Variants in SORCS2 observed in about 807,000 individuals in gnomAD.
The protein encoded by SORCS2 is sortilin related VPS10 domain containing receptor 2.
SORCS2 carries 100 observed loss-of-function variants against 141.6 expected under a neutral mutation model. The observed-to-expected ratio is 0.71, with a 90% CI of 0.60 to 0.83. The LOEUF (loss-of-function observed/expected upper bound fraction) is 0.83. Ranked by LOEUF, SORCS2 falls within the 40% of genes least tolerant of loss-of-function variation. The probability of loss-of-function intolerance (pLI) is 0.00; values close to 1 mark genes in which losing one functional copy is unlikely to be tolerated. For missense variants in SORCS2, 1,646 were observed against 1,560.2 expected (o/e 1.05, Z -0.93); for synonymous variants, 789 against 676.9 (o/e 1.17, Z -2.57).
chr4:7,709,392 G>A (rs2109028549), intron 14 of SORCS2, among the ~76,000 whole-genome samples: 1 of 152,324 alleles, frequency 6.6e-6, no homozygotes, highest in African/African-American at 2.4e-5. Context: ...CCCCAGAGAT[G>A]ACCCAGCCTT....
chr4:7,661,036 A>G (rs1722127973), intron 5 of SORCS2, among the ~76,000 whole-genome samples: 1 of 152,136 alleles, frequency 6.6e-6, no homozygotes, highest in South Asian at 2.1e-4. Context: ...TGCTTCTCTG[A>G]GCCACAGTTT....
Position 7,426,538 on chromosome 4 carries a change from A to G in SORCS2, c.548+30183A>G, listed in dbSNP as rs148821397. On this transcript the variant is annotated intron_variant, in intron 2 of 26. Coordinates refer to ENST00000507866, the MANE Select transcript of SORCS2 (RefSeq NM_020777.3). The stretch of plus-strand genomic sequence containing the variant: ...CAGTAACTTGAGACCAGCCTGAGCA[A>G]TGTAGCAAGACCCTCCAGCATTCTC... Among the ~76,000 whole-genome samples, 216 of 152,278 alleles carry G rather than the reference A, an allele frequency of 1.4e-3. 2 individuals carry two copies. Among genetic ancestry groups the G allele is most frequent in the African/African-American group, 5.0e-3 (207 of 41,544 alleles).
intron 3 of SORCS2, among the ~76,000 whole-genome samples, chr4:7,571,504 T>C (rs1715393169): frequency 6.6e-6 from 1 of 151,926 alleles, no homozygotes; most frequent in South Asian, 2.1e-4. Context: ...GGGGATGAGA[T>C]GAGGGACCCG....
At chr4:7,723,172 C>T (rs1726712190) in intron 18 of SORCS2, among the ~76,000 whole-genome samples, 1 of 152,018 alleles carries the variant, frequency 6.6e-6, no homozygotes, top group South Asian at 2.1e-4. Flanking sequence ...CCCATCTCAG[C>T]GTCACTCCTG....
At chr4:7,700,412 A>G (rs775151681) in intron 12 of SORCS2, among the ~76,000 whole-genome samples, 2 of 152,118 alleles carry the variant, frequency 1.3e-5, no homozygotes, top group Non-Finnish European at 2.9e-5. Context: ...TCCCTAGGCT[A>G]TGAATCTGTA....
Position 7,714,348 on chromosome 4 carries a change from G to C in SORCS2, c.2098G>C (p.Glu700Gln). 11 of 1,560,292 alleles carry C rather than the reference G, an allele frequency of 7.0e-6. No homozygotes were observed. The highest frequency in any genetic ancestry group is 8.7e-6 in the Non-Finnish European group (10 of 1,151,962). ...FTSALTSRVC[E>Q]CRDSDFLCDY... ...GTCGGCGCTCACGTCCCGCGTGTGCGAGTGCCGGGACTCGGACTTCCTGTG... is the reference window on the plus strand; with the variant it reads ...GTCGGCGCTCACGTCCCGCGTGTGCCAGTGCCGGGACTCGGACTTCCTGTG... Residue 700 changes from glutamate to glutamine, a missense_variant, in exon 16 of 27, where the codon GAG becomes CAG. Transcript: ENST00000507866.
chr4:7,208,740 A>C (rs371146161), intron 1 of SORCS2, among the ~76,000 whole-genome samples: 2 of 152,136 alleles, frequency 1.3e-5, no homozygotes, highest in Admixed American at 6.5e-5. Flanking sequence ...TCTCCTGCTC[A>C]CCAGGCACCC....
At chr4:7,399,082 T>C (rs1301034514) in intron 2 of SORCS2, among the ~76,000 whole-genome samples, 1 of 152,184 alleles carries the variant, frequency 6.6e-6, no homozygotes, top group Non-Finnish European at 1.5e-5. Flanking sequence ...GTTTGTTTCC[T>C]AGTAAGGAGG....
At chr4:7,465,739 C>T (rs1433852544) in intron 2 of SORCS2, among the ~76,000 whole-genome samples, 2 of 152,218 alleles carry the variant, frequency 1.3e-5, no homozygotes, top group South Asian at 2.1e-4. Flanking sequence ...TACACATGTA[C>T]AAGAGGTTGA....
At chr4:7,251,509 T>C (rs1449080330) in intron 1 of SORCS2, among the ~76,000 whole-genome samples, 3 of 152,202 alleles carry the variant, frequency 2.0e-5, no homozygotes. Context: ...CTAGGAGTTA[T>C]TGCAACATGA....
At chr4:7,680,169 C>T (rs10937850) in intron 9 of SORCS2, among the ~76,000 whole-genome samples, 6 of 152,100 alleles carry the variant, frequency 3.9e-5, no homozygotes, top group East Asian at 1.9e-4. Context: ...ACACAGCAAA[C>T]GATGTGCAGC....
At chr4:7,699,760 C>T (rs2109008198) in intron 12 of SORCS2, among the ~76,000 whole-genome samples, 1 of 152,346 alleles carries the variant, frequency 6.6e-6, no homozygotes, top group South Asian at 2.1e-4. Context: ...ACCCGCCTGG[C>T]CATGCACGCG....
At chr4:7,217,307 C>T (rs781578384) in intron 1 of SORCS2, among the ~76,000 whole-genome samples, 23 of 152,188 alleles carry the variant, frequency 1.5e-4, no homozygotes, top group African/African-American at 4.6e-4. Context: ...CCCTGGCCCT[C>T]AGGCATCACA....
Position 7,230,949 on chromosome 4 carries a change from C to T in SORCS2, c.480+37823C>T, listed in dbSNP as rs144786235. On this transcript the variant is annotated intron_variant, in intron 1 of 26. Transcript: ENST00000507866. Reference sequence around the variant, plus strand: ...ACCCAGTGCATTGGTCAGGGTTCTCCAGAGAAACAGAGCCAGTAGGAAGTG... The same window carrying T: ...ACCCAGTGCATTGGTCAGGGTTCTCTAGAGAAACAGAGCCAGTAGGAAGTG... 9.9e-4 allele frequency among the ~76,000 whole-genome samples: 151 copies of T among 152,346 alleles called. 1 individual carries two copies. The highest frequency in any genetic ancestry group is 3.4e-3 in the Middle Eastern group (1 of 294).
intron 1 of SORCS2, among the ~76,000 whole-genome samples, chr4:7,342,324 C>T (rs1213748643): frequency 1.3e-5 from 2 of 152,230 alleles, no homozygotes; most frequent in African/African-American, 4.8e-5. Flanking sequence ...TTGCCCCGGG[C>T]CCTGTGCCTG....
chr4:7,268,928 G>C (rs1399499282), intron 1 of SORCS2, among the ~76,000 whole-genome samples: 2 of 152,184 alleles, frequency 1.3e-5, no homozygotes, highest in Non-Finnish European at 2.9e-5. Context: ...TCATAAGGCA[G>C]AGGGAAGGAG....
intron 3 of SORCS2, among the ~76,000 whole-genome samples, chr4:7,539,839 C>T (rs1444583134): frequency 7.2e-6 from 1 of 138,152 alleles, no homozygotes; most frequent in Non-Finnish European, 1.6e-5. Flanking sequence ...CCTGTTGTGG[C>T]TGCTCCGCCC....
intron 2 of SORCS2, among the ~76,000 whole-genome samples, chr4:7,520,115 C>T (rs978009585): frequency 6.6e-6 from 1 of 152,194 alleles, no homozygotes; most frequent in African/African-American, 2.4e-5. Context: ...CCAGGGTGGA[C>T]TCACTTCCCA....
chr4:7,270,959 G>A, intron 1 of SORCS2, among the ~76,000 whole-genome samples: 1 of 152,212 alleles, frequency 6.6e-6, no homozygotes, highest in East Asian at 1.9e-4. Context: ...ATTCATTCAT[G>A]CCCATGCTTG....
Sources: allele counts gnomAD v4.1 joint callset (sites outside exome capture counted in the v4.1 genomes callset), GRCh38; gene constraint gnomAD v4.1.1; transcripts MANE v1.5; gene names NCBI Gene and HGNC (gene_info 2026-07-23, HGNC 2026-07-21).